The following MEI1 variants were observed in gnomAD, a reference collection of about 807,000 sequenced individuals.
MEI1 encodes the protein meiosis inhibitor protein 1.
In MEI1, 103 loss-of-function variants were observed where a neutral mutation model predicts 146.2. The ratio of observed to expected loss-of-function variants is 0.70; its 90% CI spans 0.60 to 0.83. MEI1 has a LOEUF of 0.83. Ranked by LOEUF, MEI1 falls within the 40% of genes least tolerant of loss-of-function variation. The pLI is 0.00. For missense variants in MEI1, 1,529 were observed against 1,533.0 expected (o/e 1.00, Z 0.04); for synonymous variants, 652 against 628.2 (o/e 1.04, Z -0.57).
chr22:41,779,747 T>C (rs894676592), intron 22 of MEI1, among the ~76,000 whole-genome samples: 9 of 152,188 alleles, frequency 5.9e-5, no homozygotes, highest in African/African-American at 2.2e-4. Flanking sequence ...AGGTCAGCTC[T>C]CCAGCTCATC....
chr22:41,717,107 C>A (rs990880342), intron 5 of MEI1, among the ~76,000 whole-genome samples: 1 of 152,066 alleles, frequency 6.6e-6, no homozygotes, highest in Non-Finnish European at 1.5e-5. Flanking sequence ...AAATAAATAT[C>A]TCCCAGAGGA....
intron 11 of MEI1, among the ~76,000 whole-genome samples, 175 bp downstream of exon 11, chr22:41,732,778 T>A (rs1227326079): frequency 7.0e-6 from 1 of 142,236 alleles, no homozygotes; most frequent in African/African-American, 2.7e-5. Flanking sequence ...ATTGAAAAAT[T>A]TTTTTTTTTT....
intron 1 of MEI1, among the ~76,000 whole-genome samples, chr22:41,701,104 T>C (rs2068694686): frequency 6.6e-6 from 1 of 152,000 alleles, no homozygotes; most frequent in South Asian, 2.1e-4. Context: ...TACGCCCAGC[T>C]AATTTTGTAT....
At chr22:41,742,248 A>T (rs923255014) in intron 11 of MEI1, among the ~76,000 whole-genome samples, 1 of 152,180 alleles carries the variant, frequency 6.6e-6, no homozygotes, top group African/African-American at 2.4e-5. Context: ...TGACAGAGTG[A>T]GACTCCATCT....
At chr22:41,713,309 A>T (rs1160976908) in intron 3 of MEI1, among the ~76,000 whole-genome samples, 1 of 152,048 alleles carries the variant, frequency 6.6e-6, no homozygotes, top group Non-Finnish European at 1.5e-5. Flanking sequence ...CCTACAAAAA[A>T]ATTAAAAAAT....
chr22:41,763,622 G>A (rs979453925), intron 19 of MEI1, among the ~76,000 whole-genome samples: 10 of 151,990 alleles, frequency 6.6e-5, no homozygotes, highest in African/African-American at 2.4e-4. Flanking sequence ...GGCTGAGGTG[G>A]GCGGATCACT....
At chr22:41,718,353 A>G (rs2070405747) in intron 6 of MEI1, 79 bp downstream of exon 6, 3 of 1,393,668 alleles carry the variant, frequency 2.2e-6, no homozygotes, top group Admixed American at 2.1e-5. Context: ...TGGGTTCTCT[A>G]GTAGTGGGGA....
chr22:41,784,123 T>G (rs1414563387), intron 24 of MEI1, among the ~76,000 whole-genome samples: 1 of 152,094 alleles, frequency 6.6e-6, no homozygotes, highest in Non-Finnish European at 1.5e-5. Context: ...TGGGGGAGAT[T>G]TGGAAGAAAA....
intron 2 of MEI1, among the ~76,000 whole-genome samples, chr22:41,704,770 G>A (rs550260236): frequency 1.3e-5 from 2 of 151,594 alleles, no homozygotes; most frequent in East Asian, 2.0e-4. Flanking sequence ...ACTGGAGTGC[G>A]GTGGCATGAT....
chr22:41,718,157 T>C lies in MEI1; in HGVS notation c.616T>C (p.Tyr206His). ...ASVCYLYGKL[Y>H]SSPVAAEMLS... ...TGTCTGTTACCTTTATGGGAAGCTA[T>C]ACTCCTCACCAGTGGCAGCTGAGAT... The change falls in exon 6 of 31, where the codon TAC becomes CAC. Residue 206 changes from tyrosine to histidine, a missense_variant. Physicochemically the swap from Tyr to His is moderately conservative, Grantham distance 83 (BLOSUM62 2). Coordinates refer to ENST00000401548, the MANE Select transcript of MEI1 (RefSeq NM_152513.4). 1 of 1,613,942 alleles carries C rather than the reference T, an allele frequency of 6.2e-7. No homozygotes were observed. The highest frequency in any genetic ancestry group is 8.5e-7 in the Non-Finnish European group (1 of 1,179,888).
At chr22:41,743,220 C>A in intron 12 of MEI1, 26 bp downstream of exon 12, 1 of 1,504,862 alleles carries the variant, frequency 6.6e-7, no homozygotes, top group Non-Finnish European at 9.2e-7. Flanking sequence ...CCTGCTGCTT[C>A]CGAAGATCAT....
chr22:41,784,247 G>A (rs912030160), intron 24 of MEI1, 92 bp from the exon 25 acceptor site: 1 of 1,100,146 alleles, frequency 9.1e-7, no homozygotes, highest in Non-Finnish European at 1.4e-6. Flanking sequence ...TGGATATGTG[G>A]GGGGAGGTGA....
At chr22:41,753,006 C>A (rs893348055) in intron 16 of MEI1, among the ~76,000 whole-genome samples, 41 of 151,850 alleles carry the variant, frequency 2.7e-4, no homozygotes, top group African/African-American at 8.9e-4. Context: ...CATAGCAAGA[C>A]CCTGGTCTCT....
intron 12 of MEI1, among the ~76,000 whole-genome samples, chr22:41,744,110 C>A (rs562491394): frequency 1.3e-5 from 2 of 151,974 alleles, no homozygotes; most frequent in Non-Finnish European, 2.9e-5. Flanking sequence ...CTCCTGACCT[C>A]CACCTCGGCC....
At chr22:41,734,844 C>T (rs913410592) in intron 11 of MEI1, among the ~76,000 whole-genome samples, 1 of 151,858 alleles carries the variant, frequency 6.6e-6, no homozygotes, top group Non-Finnish European at 1.5e-5. Context: ...GCCACGTTGG[C>T]CAGGGTGGTC....
Position 41,741,826 on chromosome 22 carries a change from C to A in MEI1, c.1332-1254C>A, listed in dbSNP as rs140169423. On this transcript the variant is annotated intron_variant, in intron 11 of 30. Coordinates refer to ENST00000401548, the MANE Select transcript of MEI1 (RefSeq NM_152513.4). ...GGGTGTGGTGGCGTGCGCCTGTAGT[C>A]CCAGCTACTTGGGAGGCTGAGGCAG... Among the ~76,000 whole-genome samples, 1,028 of 152,140 alleles carry A rather than the reference C, an allele frequency of 6.8e-3. 7 individuals carry two copies. Among genetic ancestry groups the A allele is most frequent in the African/African-American group, 0.024 (992 of 41,490 alleles).
intron 19 of MEI1, among the ~76,000 whole-genome samples, chr22:41,767,233 T>C (rs1368090046): frequency 2.6e-5 from 4 of 152,170 alleles, no homozygotes; most frequent in Admixed American, 6.5e-5. Flanking sequence ...TTGGTACCAT[T>C]TACCTGTGAA....
intron 11 of MEI1, among the ~76,000 whole-genome samples, chr22:41,735,227 G>GT (rs1279915415): frequency 0.013 from 1,113 of 85,466 alleles, 26 homozygotes; most frequent in Non-Finnish European, 0.017. Flanking sequence ...CTCCCAAAGT[G>GT]TTTTTTTTTT....
At chr22:41,757,730 C>A (rs1405914262) in intron 17 of MEI1, among the ~76,000 whole-genome samples, 1 of 152,168 alleles carries the variant, frequency 6.6e-6, no homozygotes, top group East Asian at 1.9e-4. Flanking sequence ...ACATGTCCTG[C>A]AATTGCCTGT....
Sources: allele counts gnomAD v4.1 joint callset (sites outside exome capture counted in the v4.1 genomes callset), GRCh38; gene constraint gnomAD v4.1.1; transcripts MANE v1.5; gene names NCBI Gene and HGNC (gene_info 2026-07-23, HGNC 2026-07-21).